Variants in TMEM255A observed in about 807,000 individuals in gnomAD.
TMEM255A encodes the protein transmembrane protein 255A.
TMEM255A carries 14 observed loss-of-function variants against 23.5 expected under a neutral mutation model. The observed-to-expected ratio is 0.60, with a 90% CI of 0.39 to 0.93. The LOEUF (loss-of-function observed/expected upper bound fraction) is 0.93. Ranked by LOEUF, TMEM255A falls within the 40% of genes least tolerant of loss-of-function variation. The pLI is 0.00. For synonymous variants in TMEM255A, 104 were observed against 100.3 expected, an observed-to-expected ratio of 1.04 and a Z score of -0.22; for missense variants, 233 against 261.7, an observed-to-expected ratio of 0.89 and a Z score of 0.76.
intron 8 of TMEM255A, among the ~76,000 whole-genome samples, chrX:120,264,902 C>T (rs1237779822): frequency 5.9e-5 from 6 of 101,059 alleles, no homozygotes; most frequent in African/African-American, 1.5e-4. Context: ...TTTTATACAG[C>T]GCTTCTCTCT....
At chrX:120,308,193 A>G (rs1210450527) in intron 1 of TMEM255A, among the ~76,000 whole-genome samples, 1 of 112,095 alleles carries the variant, frequency 8.9e-6, no homozygotes, top group Non-Finnish European at 1.9e-5. Flanking sequence ...TACCATTACA[A>G]TTGTAACCGT....
At chrX:120,251,663 C>T in the TMEM255A span, among the ~76,000 whole-genome samples, 1 of 112,094 alleles carries the variant, frequency 8.9e-6, no homozygotes, top group Non-Finnish European at 1.9e-5. Flanking sequence ...GCTTTTATCT[C>T]TTTCCACCGT....
rs1556016422 is a variant in TMEM255A, at chrX:120,260,617, C to G, written c.*253G>C. ...GAGCATAGGGTAATGCAAGTCCAAA[C>G]AAGCTTCTTGCTGGGCTGGCTCCCC... On this transcript the variant is annotated 3_prime_UTR_variant, in exon 9 of 9. Transcript: ENST00000371369. 2 of 330,395 alleles carry G rather than the reference C, an allele frequency of 6.1e-6. No homozygotes were observed. The highest frequency in any genetic ancestry group is 1.0e-5 in the Non-Finnish European group (2 of 196,316). 27.2% of individuals were successfully genotyped at this position (330,395 alleles called of 1,213,427 possible).
intron 7 of TMEM255A, among the ~76,000 whole-genome samples, chrX:120,272,586 C>A (rs1010680992): frequency 1.8e-5 from 2 of 110,700 alleles, no homozygotes; most frequent in African/African-American, 6.6e-5. Flanking sequence ...GGCTCTTCCC[C>A]CTTTGCTTCC....
intron 2 of TMEM255A, among the ~76,000 whole-genome samples, chrX:120,303,601 A>G (rs782424814): frequency 1.8e-5 from 2 of 109,725 alleles, no homozygotes; most frequent in African/African-American, 6.6e-5. Flanking sequence ...TTGACATTTA[A>G]AAACATGACT....
At chrX:120,290,107 C>A (rs1010293548) in intron 4 of TMEM255A, among the ~76,000 whole-genome samples, 2 of 111,180 alleles carry the variant, frequency 1.8e-5, no homozygotes, top group South Asian at 3.8e-4. Flanking sequence ...GTGATGGTTG[C>A]ACATAAATAA....
In TMEM255A at chrX:120,267,839, G is replaced by A. The variant is rs782584075; in HGVS notation, c.819+405C>T. Among the ~76,000 whole-genome samples, 18 of 111,581 alleles carry A rather than the reference G, an allele frequency of 1.6e-4. No individual in the cohort carries two copies. In the South Asian group the frequency reaches 6.9e-3, roughly 43 times the overall value. On this transcript the variant is annotated intron_variant, in intron 8 of 8. Coordinates refer to ENST00000371369, the MANE Select transcript of TMEM255A (RefSeq NM_001104544.3). ...GCTCAGAATGCCCTTGTGTTAAGGA[G>A]CAGGATTAGGCCTCTCCCCATATCA...
At chrX:120,271,228 T>C (rs1013781410) in intron 7 of TMEM255A, among the ~76,000 whole-genome samples, 1 of 112,093 alleles carries the variant, frequency 8.9e-6, no homozygotes, top group Non-Finnish European at 1.9e-5. Flanking sequence ...AAAACACTCA[T>C]AGAACCAGAA....
At chrX:120,280,178 G>A (rs1320209201) in intron 6 of TMEM255A, among the ~76,000 whole-genome samples, 1 of 106,660 alleles carries the variant, frequency 9.4e-6, no homozygotes, top group African/African-American at 3.4e-5. Context: ...AAATTTTGTA[G>A]AGATGCGGTT....
chrX:120,308,638 T>C (rs782692950), intron 1 of TMEM255A, among the ~76,000 whole-genome samples: 1 of 112,093 alleles, frequency 8.9e-6, no homozygotes, highest in East Asian at 2.8e-4. Context: ...CTTTAGACAG[T>C]TCTCTGAATG....
chrX:120,253,007 T>G, the TMEM255A span, among the ~76,000 whole-genome samples: 1 of 112,389 alleles, frequency 8.9e-6, no homozygotes, highest in African/African-American at 3.2e-5. Context: ...AAATAACTTC[T>G]GTGTGTTCAT....
intron 1 of TMEM255A, among the ~76,000 whole-genome samples, chrX:120,308,946 T>G (rs1451466601): frequency 1.8e-5 from 2 of 112,901 alleles, no homozygotes; most frequent in Non-Finnish European, 3.7e-5. Flanking sequence ...TGGTTGCGGT[T>G]GTGTCTTGAC....
chrX:120,303,054 T>C (rs2147219231), intron 2 of TMEM255A, among the ~76,000 whole-genome samples: 1 of 111,895 alleles, frequency 8.9e-6, no homozygotes, highest in African/African-American at 3.2e-5. Flanking sequence ...AGCCATTTAA[T>C]TGGTGTTTAA....
At chrX:120,297,730 G>C (rs1167071672) in intron 2 of TMEM255A, among the ~76,000 whole-genome samples, 1 of 110,930 alleles carries the variant, frequency 9.0e-6, no homozygotes, top group African/African-American at 3.3e-5. Flanking sequence ...CTGAATAACA[G>C]CTTGAGTTCT....
chrX:120,260,645 T>C lies in TMEM255A; in HGVS notation c.*225A>G, dbSNP rs6655523. 0.037 allele frequency: 13,852 copies of C among 376,332 alleles called. 1,370 individuals are homozygous for C. Among genetic ancestry groups the C allele is most frequent in the African/African-American group, 0.31 (11,573 of 37,166 alleles). The allele number at this position is 376,332 out of a possible 1,213,427, so 31.0% of individuals were successfully genotyped here. ...GCTTCTTGCTGGGCTGGCTCCCCAGTCTTGCTTAGAGAATGTGAGCTGCCC... is the reference window on the plus strand; with the variant it reads ...GCTTCTTGCTGGGCTGGCTCCCCAGCCTTGCTTAGAGAATGTGAGCTGCCC... On this transcript the variant is annotated 3_prime_UTR_variant, in exon 9 of 9. Transcript: ENST00000371369.
At chrX:120,280,659 A>G (rs1409763244) in intron 6 of TMEM255A, among the ~76,000 whole-genome samples, 1 of 110,850 alleles carries the variant, frequency 9.0e-6, no homozygotes, top group East Asian at 2.8e-4. Context: ...TTCCTAAAAC[A>G]CTTTTAAAAA....
intron 2 of TMEM255A, among the ~76,000 whole-genome samples, chrX:120,298,282 G>A (rs782151768): frequency 9.0e-6 from 1 of 111,398 alleles, no homozygotes; most frequent in South Asian, 3.8e-4. Flanking sequence ...CAGTGTGTTC[G>A]ATCTGTAATT....
At chrX:120,298,426 GT>G (rs1390088304) in intron 2 of TMEM255A, among the ~76,000 whole-genome samples, 5 of 108,423 alleles carry the variant, frequency 4.6e-5, no homozygotes, top group East Asian at 2.9e-4. Flanking sequence ...ATAAAAAAGT[GT>G]TTTTTTTTCT....
At chrX:120,299,618 G>A (rs782622599) in intron 2 of TMEM255A, among the ~76,000 whole-genome samples, 1 of 112,161 alleles carries the variant, frequency 8.9e-6, no homozygotes, top group African/African-American at 3.2e-5. Flanking sequence ...CCCAGCCCAG[G>A]TGCCATTTTA....
Sources: gnomAD v4.1 joint callset for allele counts (sites outside exome capture counted in the v4.1 genomes callset) on GRCh38, gnomAD v4.1.1 for gene constraint, MANE v1.5 for transcripts, NCBI Gene and HGNC (gene_info 2026-07-23, HGNC 2026-07-21) for gene names.